Variants in SYDE2 observed in about 807,000 individuals in gnomAD.
The protein encoded by SYDE2 is rho GTPase-activating protein SYDE2.
A neutral mutation model predicts 91.5 loss-of-function variants in SYDE2; 76 were observed. The ratio of observed to expected loss-of-function variants is 0.83; its 90% CI spans 0.69 to 1.01. The LOEUF (loss-of-function observed/expected upper bound fraction) is 1.01, where lower values mean the gene tolerates loss of function less well. Among genes scored for constraint, SYDE2 ranks in the 50% least tolerant of loss-of-function variants. SYDE2 has a pLI of 0.00. For synonymous variants in SYDE2, 513 were observed against 506.4 expected, an observed-to-expected ratio of 1.01 and a Z score of -0.18; for missense variants, 1,364 against 1,367.7, an observed-to-expected ratio of 1.00 and a Z score of 0.04.
rs199940365 is a variant in SYDE2, at chr1:85,190,220, G to C, written c.1278C>G (p.Ser426=). The C allele has an allele frequency of 3.1e-6, 5 of 1,613,798 alleles. No homozygotes were observed. In the Admixed American group the frequency reaches 5.0e-5, roughly 16 times the overall value. ...TGGTCTGAATATCACCTGCATGTTC[G>C]GAAGAGCACAGTGAGTCTTCAGTAT... is the stretch of plus-strand genomic sequence containing the variant. The part of the protein sequence containing the change: ...ERHTEDSLCS[S]EHAGDIQTTR... The change falls in exon 2 of 7, where the codon TCC becomes TCG. Residue 426 remains serine (S), a synonymous_variant. Transcript: ENST00000341460.
intron 4 of SYDE2, among the ~76,000 whole-genome samples, chr1:85,175,077 A>T (rs1485574361): frequency 2.0e-5 from 3 of 152,224 alleles, no homozygotes; most frequent in Non-Finnish European, 4.4e-5. Context: ...ATTATGTAGC[A>T]CTGACATGAA....
intron 6 of SYDE2, among the ~76,000 whole-genome samples, chr1:85,163,727 C>A (rs1657161821): frequency 1.3e-5 from 2 of 151,958 alleles, no homozygotes; most frequent in South Asian, 4.2e-4. Flanking sequence ...GTGCTCTACA[C>A]TAAACACCAA....
intron 6 of SYDE2, chr1:85,160,960 AT>A: frequency 1.0e-6 from 1 of 979,092 alleles, no homozygotes; most frequent in Non-Finnish European, 1.2e-6. Flanking sequence ...GATATTTTAT[AT>A]CTTTTAGACT....
intron 2 of SYDE2, among the ~76,000 whole-genome samples, chr1:85,187,066 G>C (rs900977831): frequency 6.6e-6 from 1 of 152,002 alleles, no homozygotes; most frequent in African/African-American, 2.4e-5. Flanking sequence ...ACTACCATCA[G>C]AGTGAACAGG....
chr1:85,160,293 T>C, intron 6 of SYDE2: 1 of 935,644 alleles, frequency 1.1e-6, no homozygotes, highest in Non-Finnish European at 1.3e-6. Context: ...AAAACATATA[T>C]ATGGTTCTAG....
At chr1:85,197,233 CT>C in intron 1 of SYDE2, among the ~76,000 whole-genome samples, 1 of 152,268 alleles carries the variant, frequency 6.6e-6, no homozygotes, top group African/African-American at 2.4e-5. Context: ...ACACTACATA[CT>C]TAACTGCATC....
In SYDE2 at chr1:85,200,867, G is replaced by T; in HGVS notation, c.130C>A (p.Pro44Thr). 1 of 1,359,442 alleles carries T rather than the reference G, an allele frequency of 7.4e-7. No individual in the cohort carries two copies. The highest frequency in any genetic ancestry group is 9.4e-7 in the Non-Finnish European group (1 of 1,066,548). The allele number at this position is 1,359,442 out of a possible 1,614,324, so 84.2% of individuals were successfully genotyped here. ...SRGAAYRRAC[P>T]RDGERGGGGR... ...CCGCCTCCCCGCTCCCCGTCCCGGG[G>T]GCAGGCTCGGCGGTACGCGGCGCCG... Residue 44 changes from proline to threonine, a missense_variant, in exon 1 of 7, where the codon CCC (proline) becomes ACC (threonine). Pro to Thr is a conservative substitution (Grantham distance 38, BLOSUM62 -1). Coordinates refer to ENST00000341460, the MANE Select transcript of SYDE2 (RefSeq NM_032184.2).
intron 1 of SYDE2, among the ~76,000 whole-genome samples, chr1:85,193,125 T>G (rs1216437100): frequency 6.6e-6 from 1 of 152,244 alleles, no homozygotes; most frequent in East Asian, 1.9e-4. Context: ...TTCAAAAGTC[T>G]TTCTCTGGTT....
intron 1 of SYDE2, among the ~76,000 whole-genome samples, chr1:85,191,695 T>C (rs1489543737): frequency 6.6e-5 from 10 of 150,728 alleles, no homozygotes; most frequent in African/African-American, 2.4e-4. Context: ...GAGGTGGAGG[T>C]TGTGGTGAGC....
chr1:85,187,773 A>C (rs1045754503), intron 2 of SYDE2, among the ~76,000 whole-genome samples: 9 of 151,220 alleles, frequency 6.0e-5, no homozygotes, highest in African/African-American at 2.2e-4. Flanking sequence ...AGGACAAAAA[A>C]CCAAACACCG....
At chr1:85,178,019 T>A in intron 4 of SYDE2, 127 bp downstream of exon 4, 1 of 820,772 alleles carries the variant, frequency 1.2e-6, no homozygotes, top group Non-Finnish European at 1.9e-6. Context: ...GTAAGTAATG[T>A]TTGTGAAGGA....
chr1:85,164,471 T>C, intron 6 of SYDE2, 55 bp downstream of exon 6: 1 of 1,215,140 alleles, frequency 8.2e-7, no homozygotes, highest in Admixed American at 3.3e-5. Context: ...TAATGATTAG[T>C]TAATTCAAAT....
intron 5 of SYDE2, among the ~76,000 whole-genome samples, chr1:85,168,688 T>C (rs1657389336): frequency 6.6e-6 from 1 of 152,224 alleles, no homozygotes; most frequent in Non-Finnish European, 1.5e-5. Flanking sequence ...ATGTTAATTA[T>C]AGCTGCCTCT....
intron 6 of SYDE2, chr1:85,160,703 T>C (rs1657026685): frequency 1.0e-6 from 1 of 985,336 alleles, no homozygotes; most frequent in Non-Finnish European, 1.2e-6. Context: ...AGTGCTTAAC[T>C]GTCATGCCTG....
chr1:85,190,828 T>C (rs1658338683), intron 1 of SYDE2, 76 bp from the exon 2 acceptor site: 14 of 1,253,834 alleles, frequency 1.1e-5, no homozygotes, highest in Middle Eastern at 2.6e-4. Context: ...AGACCAGTTA[T>C]TTAAAAAAAT....
intron 5 of SYDE2, among the ~76,000 whole-genome samples, chr1:85,165,113 G>A (rs1209532813): frequency 2.6e-5 from 4 of 151,988 alleles, no homozygotes; most frequent in African/African-American, 7.2e-5. Context: ...GGGTGCCTAC[G>A]ATCCCGGCTA....
intron 6 of SYDE2, chr1:85,159,968 C>A: frequency 2.0e-6 from 2 of 984,592 alleles, no homozygotes; most frequent in East Asian, 2.3e-4. Flanking sequence ...TGAGAGTATG[C>A]ATTGTGCTAG....
rs536591283 is a variant in SYDE2 at position 85,166,343 on chromosome 1, A to T, written c.2854-1586T>A. On this transcript the variant is annotated intron_variant, in intron 5 of 6. Coordinates refer to ENST00000341460, the MANE Select transcript of SYDE2 (RefSeq NM_032184.2). ...GACAGAGCAAGACTCCGTCTCAAAA[A>T]AAAAAAAAATTTTTTTTTTTTTGTA... Among the ~76,000 whole-genome samples, 184 of 151,992 alleles carry T rather than the reference A, an allele frequency of 1.2e-3. 1 individual carries two copies. Among genetic ancestry groups the T allele is most frequent in the African/African-American group, 4.3e-3 (177 of 41,402 alleles).
chr1:85,171,031 T>A (rs1316334575), intron 4 of SYDE2, among the ~76,000 whole-genome samples: 1 of 152,190 alleles, frequency 6.6e-6, no homozygotes, highest in East Asian at 1.9e-4. Flanking sequence ...GGAACTTGAG[T>A]ATCTAGGTGG....
Sources: allele counts gnomAD v4.1 joint callset (sites outside exome capture counted in the v4.1 genomes callset), GRCh38; gene constraint gnomAD v4.1.1; transcripts MANE v1.5; gene names NCBI Gene and HGNC (gene_info 2026-07-23, HGNC 2026-07-21).